TIGD6: variants seen among roughly 807,000 people sequenced by gnomAD.
TIGD6 encodes tigger transposable element-derived protein 6.
Under a neutral mutation model 2.6 loss-of-function variants are expected in TIGD6, and 1 was observed. That is an observed-to-expected ratio of 0.39 (90% CI 0.14 to 1.85). The LOEUF (loss-of-function observed/expected upper bound fraction) is 1.85, where lower values mean the gene tolerates loss of function less well. Among genes scored for constraint, TIGD6 ranks in the 40% most tolerant of loss-of-function variants. The probability of loss-of-function intolerance (pLI) is 0.32; values close to 1 mark genes in which losing one functional copy is unlikely to be tolerated. For missense variants in TIGD6, 601 were observed against 634.2 expected (o/e 0.95, Z 0.56); for synonymous variants, 193 against 221.9 (o/e 0.87, Z 1.16).
At chr5:149,999,212 A>C (rs950790163) in intron 1 of TIGD6, among the ~76,000 whole-genome samples, 1 of 152,178 alleles carries the variant, frequency 6.6e-6, no homozygotes, top group Non-Finnish European at 1.5e-5. Flanking sequence ...GAATGACATG[A>C]TCAGATTTAC....
At chr5:149,996,533 A>C in intron 1 of TIGD6, 104 bp from the exon 2 acceptor site, 2 of 783,622 alleles carry the variant, frequency 2.6e-6, no homozygotes, top group Non-Finnish European at 3.8e-6. Flanking sequence ...TTTACAGTCA[A>C]AGTAAAGAAA....
Position 149,994,806 on chromosome 5 carries a change from T to TA in TIGD6, c.1542dup (p.Thr515TyrfsTer27). On this transcript the variant is annotated frameshift_variant, in exon 2 of 2. Coordinates refer to ENST00000296736, the MANE Select transcript of TIGD6 (RefSeq NM_030953.4). LOFTEE classifies it high-confidence loss of function. The stretch of plus-strand genomic sequence containing the variant: ...CATTATTTTGTTTGGAGGAAATCTG[T>TA]AATTTTGGAATCAATAAGGGTTTGT... The TA allele has an allele frequency of 6.6e-7, 1 of 1,526,702 alleles. No homozygotes were observed. The highest frequency in any genetic ancestry group is 1.3e-5 in the South Asian group (1 of 76,940). 94.6% of individuals were successfully genotyped at this position (1,526,702 alleles called of 1,614,324 possible).
chr5:149,996,772 T>C (rs530083361), intron 1 of TIGD6, among the ~76,000 whole-genome samples: 1 of 152,370 alleles, frequency 6.6e-6, no homozygotes, highest in Admixed American at 6.5e-5. Context: ...TCCAGCTTCT[T>C]TGATGGACAC....
intron 1 of TIGD6, among the ~76,000 whole-genome samples, chr5:149,996,844 G>A (rs1045441270): frequency 6.6e-6 from 1 of 152,238 alleles, no homozygotes; most frequent in Non-Finnish European, 1.5e-5. Flanking sequence ...TCTTAACTCA[G>A]ATTACTATTT....
intron 1 of TIGD6, among the ~76,000 whole-genome samples, chr5:149,999,287 C>T (rs1226037565): frequency 6.6e-6 from 1 of 152,040 alleles, no homozygotes; most frequent in Non-Finnish European, 1.5e-5. Context: ...TAAGAGATGG[C>T]CTTAAATCTG....
In TIGD6 at chr5:149,995,868, C is replaced by T; in HGVS notation, c.481G>A (p.Gly161Arg). The T allele has an allele frequency of 6.2e-7, 1 of 1,614,204 alleles. No homozygotes were observed. Among genetic ancestry groups the T allele is most frequent in the Non-Finnish European group, 8.5e-7 (1 of 1,180,038 alleles). ...GIDKINEWHA[G>R]EIIKLIADYS... is the part of the protein sequence containing the mutation. Reference sequence around the variant, plus strand: ...TCAGCAATCAGTTTTATAATTTCCCCTGCATGCCACTCATTAATCTTATCT... The same window carrying T: ...TCAGCAATCAGTTTTATAATTTCCCTTGCATGCCACTCATTAATCTTATCT... The change falls in exon 2 of 2, where the codon GGG (glycine) becomes AGG (arginine). Residue 161 changes from glycine to arginine, a missense_variant. Transcript: ENST00000296736.
At chr5:149,996,517 G>A in intron 1 of TIGD6, 88 bp from the exon 2 acceptor site, 1 of 960,744 alleles carries the variant, frequency 1.0e-6, no homozygotes, top group African/African-American at 1.6e-5. Context: ...TATTAGGAAA[G>A]GACAATTTAC....
chr5:149,998,526 G>C (rs1755453410), intron 1 of TIGD6, among the ~76,000 whole-genome samples: 1 of 152,128 alleles, frequency 6.6e-6, no homozygotes, highest in African/African-American at 2.4e-5. Flanking sequence ...TTTGGAGAAT[G>C]GTGTGGTGTA....
chr5:149,999,629 G>A (rs542190297), intron 1 of TIGD6, among the ~76,000 whole-genome samples: 1 of 152,172 alleles, frequency 6.6e-6, no homozygotes, highest in African/African-American at 2.4e-5. Flanking sequence ...CATTTACTGA[G>A]GTGGGAGGAT....
chr5:149,995,457 T>C lies in TIGD6; in HGVS notation c.892A>G (p.Ile298Val), dbSNP rs1025088351. 2 of 1,614,254 alleles carry C rather than the reference T, an allele frequency of 1.2e-6. No individual in the cohort carries two copies. The highest frequency in any genetic ancestry group is 1.7e-6 in the Non-Finnish European group (2 of 1,180,050). Reference sequence around the variant, plus strand: ...TTGGAGGGCAGATACCCAACCTGAATCCTTTCCAAGTGTGGAAGCATGTTA... The same window carrying C: ...TTGGAGGGCAGATACCCAACCTGAACCCTTTCCAAGTGTGGAAGCATGTTA... The part of the protein sequence containing the change: ...AHNMLPHLER[I>V]QVGYLPSNCT... The change falls in exon 2 of 2, where the codon ATT becomes GTT. Residue 298 changes from isoleucine (I) to valine (V), a missense_variant. Physicochemically the swap from Ile to Val is conservative, Grantham distance 29. Coordinates refer to ENST00000296736, the MANE Select transcript of TIGD6 (RefSeq NM_030953.4).
Position 149,995,096 on chromosome 5 carries a change from T to C in TIGD6, c.1253A>G (p.Gln418Arg), listed in dbSNP as rs759071071. ...ATCATCATCTGCAGTAACAAAGTCC[T>C]GGAAATTTACTTCATTTGGGACACA... ...ATCVPNEVNF[Q>R]DFVTADDDLI... is the part of the protein sequence containing the mutation. The change falls in exon 2 of 2, where the codon CAG (glutamine) becomes CGG (arginine). Residue 418 changes from glutamine (Q) to arginine (R), a missense_variant. By Grantham distance (43) the Gln-to-Arg change is conservative (BLOSUM62 1). Transcript: ENST00000296736. 1 of 1,614,266 alleles carries C rather than the reference T, an allele frequency of 6.2e-7. No homozygotes were observed. The highest frequency in any genetic ancestry group is 2.2e-5 in the East Asian group (1 of 44,886).
rs1210549530 is a variant in TIGD6 at position 149,993,769 on chromosome 5, G to C, written c.*1014C>G. On this transcript the variant is annotated 3_prime_UTR_variant, in exon 2 of 2. Transcript: ENST00000296736. ...AGTGAAATGCCTATTAAAACATTTC[G>C]TAAGGCCAGCATGGCAGTGTGCATC... 1 of 152,184 alleles carries C rather than the reference G, an allele frequency of 6.6e-6. No homozygotes were observed. The highest frequency in any genetic ancestry group is 2.1e-4 in the South Asian group (1 of 4,832). The allele number at this position is 152,184 out of a possible 1,614,324, so 9.4% of individuals were successfully genotyped here. A position where few individuals can be genotyped will look rare whatever the true frequency, so the allele number is the denominator to read the frequency against.
chr5:149,998,465 C>G (rs1397910231), intron 1 of TIGD6, among the ~76,000 whole-genome samples: 1 of 152,002 alleles, frequency 6.6e-6, no homozygotes, highest in African/African-American at 2.4e-5. Flanking sequence ...AACTCAAATG[C>G]CTTTAGGGGC....
Position 149,996,391 on chromosome 5 carries a change from G to A in TIGD6, c.-43C>T, listed in dbSNP as rs1755391820. ...TGGCCACAACTAACAGGACTGTCTG[G>A]TTCCTCCTCGCGGCTTGCTTTGCCC... is the stretch of plus-strand genomic sequence containing the variant. On this transcript the variant is annotated 5_prime_UTR_variant, in exon 2 of 2. Transcript: ENST00000296736. 14 of 1,537,212 alleles carry A rather than the reference G, an allele frequency of 9.1e-6. No individual in the cohort carries two copies. Among genetic ancestry groups the A allele is most frequent in the Non-Finnish European group, 1.2e-5 (14 of 1,145,078 alleles).
chr5:149,994,839 TTTTCA>T lies in TIGD6; in HGVS notation c.1505_1509del (p.Met502LysfsTer8), dbSNP rs1755337430. 2 of 1,577,118 alleles carry T rather than the reference TTTTCA, an allele frequency of 1.3e-6. No individual in the cohort carries two copies. The highest frequency in any genetic ancestry group is 2.4e-5 in the South Asian group (2 of 84,926). On this transcript the variant is annotated frameshift_variant, in exon 2 of 2. Transcript: ENST00000296736. LOFTEE classifies it high-confidence loss of function. The stretch of plus-strand genomic sequence containing the variant: ...GAATCAATAAGGGTTTGTGTCACTC[TTTTCA>T]TTAAATATTCATCTATGCCATTTAA...
Position 149,996,266 on chromosome 5 carries a change from T to C in TIGD6, c.83A>G (p.Lys28Arg), listed in dbSNP as rs200015838. The change falls in exon 2 of 2, where the codon AAG becomes AGG. Residue 28 changes from lysine to arginine, a missense_variant. By Grantham distance (26) the Lys-to-Arg change is conservative. Coordinates refer to ENST00000296736, the MANE Select transcript of TIGD6 (RefSeq NM_030953.4). ...MKVVGAVDSG[K>R]RKGDVAKEFG... ...TTCTTTTGCCACATCACCTTTCCTC[T>C]TGCCTGAGTCTACAGCTCCCACAAC... The C allele has an allele frequency of 5.0e-6, 8 of 1,614,068 alleles. No homozygotes were observed. The highest frequency in any genetic ancestry group is 2.2e-5 in the South Asian group (2 of 91,092).
chr5:149,994,865 T>C lies in TIGD6; in HGVS notation c.1484A>G (p.Asn495Ser). The change falls in exon 2 of 2, where the codon AAT becomes AGT. Residue 495 changes from asparagine (N) to serine (S), a missense_variant. By Grantham distance (46) the Asn-to-Ser change is conservative. Coordinates refer to ENST00000296736, the MANE Select transcript of TIGD6 (RefSeq NM_030953.4). ...DIPDAIFGQL[N>S]GIDEYLMKRV... Reference sequence around the variant, plus strand: ...TTTCATTAAATATTCATCTATGCCATTTAATTGTCCAAAAATGGCATCAGG... The same window carrying C: ...TTTCATTAAATATTCATCTATGCCACTTAATTGTCCAAAAATGGCATCAGG... 3.7e-6 allele frequency: 6 copies of C among 1,605,894 alleles called. No individual in the cohort carries two copies. The South Asian group carries it at 6.7e-5, about 18-fold the overall frequency.
Position 149,995,297 on chromosome 5 carries a change from T to A in TIGD6, c.1052A>T (p.Gln351Leu). 6.3e-7 allele frequency: 1 copy of A among 1,589,468 alleles called. No homozygotes were observed. Among genetic ancestry groups the A allele is most frequent in the Non-Finnish European group, 8.6e-7 (1 of 1,167,668 alleles). The change falls in exon 2 of 2, where the codon CAG becomes CTG. Residue 351 changes from glutamine to leucine, a missense_variant. Transcript: ENST00000296736. ...CGCTGCAGCAATCATGTCGATGGCC[T>A]GCTTGATGTCCACCTCTTCTTGATC... is the stretch of plus-strand genomic sequence containing the variant. ...SEDQEEVDIK[Q>L]AIDMIAAAWW...
At position 149,994,862 on chromosome 5, in the gene TIGD6, C is replaced by T. The variant is rs1755338141; in HGVS notation, c.1487G>A (p.Gly496Asp). The T allele has an allele frequency of 1.2e-6, 2 of 1,603,214 alleles. No individual in the cohort carries two copies. The highest frequency in any genetic ancestry group is 2.7e-5 in the African/African-American group (2 of 74,648). The change falls in exon 2 of 2, where the codon GGC (glycine) becomes GAC (aspartate). Residue 496 changes from glycine (G) to aspartate (D), a missense_variant. Transcript: ENST00000296736. ...IPDAIFGQLN[G>D]IDEYLMKRVT... ...TCTTTTCATTAAATATTCATCTATG[C>T]CATTTAATTGTCCAAAAATGGCATC... is the stretch of plus-strand genomic sequence containing the variant.
Sources: allele counts gnomAD v4.1 joint callset (sites outside exome capture counted in the v4.1 genomes callset), GRCh38; gene constraint gnomAD v4.1.1; transcripts MANE v1.5; gene names NCBI Gene and HGNC (gene_info 2026-07-23, HGNC 2026-07-21).